XRRA1: variants seen among roughly 807,000 people sequenced by gnomAD.
XRRA1 encodes the protein X-ray radiation resistance-associated protein 1.
A neutral mutation model predicts 80.2 loss-of-function variants in XRRA1; 69 were observed. The ratio of observed to expected loss-of-function variants is 0.86; its 90% confidence interval spans 0.71 to 1.05. The LOEUF is 1.05. XRRA1 is among the 50% of genes least tolerant of loss of function. The pLI is 0.00. For missense variants in XRRA1, 967 were observed against 976.4 expected, an observed-to-expected ratio of 0.99 and a Z score of 0.13; for synonymous variants, 348 against 389.9, an observed-to-expected ratio of 0.89 and a Z score of 1.27.
chr11:74,906,895 T>G, intron 9 of XRRA1: 4 of 482,728 alleles, frequency 8.3e-6, no homozygotes, highest in Non-Finnish European at 1.4e-5. Context: ...GGGTAAAATC[T>G]CCTCCTGTTT....
rs376691314 is a variant in XRRA1 at position 74,937,014 on chromosome 11, C to T, written c.149G>A (p.Gly50Asp). The part of the protein sequence containing the change: ...QKGNLKKKPK[G>D]LVGAQAERRE... ...ACGTTCAGCTTGTGCTCCAACCAAA[C>T]CCTTGGGCTTCTTCTTGAGGTTACC... Residue 50 changes from glycine to aspartate, a missense_variant, in exon 4 of 19, where the codon GGT (glycine) becomes GAT (aspartate). Transcript: ENST00000684022. 6.8e-6 allele frequency: 11 copies of T among 1,613,916 alleles called. No homozygotes were observed. Among genetic ancestry groups the T allele is most frequent in the African/African-American group, 2.7e-5 (2 of 75,018 alleles).
At chr11:74,902,776 T>C (rs1188636238) in intron 10 of XRRA1, among the ~76,000 whole-genome samples, 1 of 151,874 alleles carries the variant, frequency 6.6e-6, no homozygotes, top group Non-Finnish European at 1.5e-5. Context: ...CTGGGAAGGA[T>C]AGTGGGGGCC....
intron 10 of XRRA1, among the ~76,000 whole-genome samples, chr11:74,901,975 G>C (rs2053640607): frequency 6.6e-6 from 1 of 152,108 alleles, no homozygotes. Context: ...TCAACAAAGA[G>C]ACAACCCACA....
chr11:74,896,341 G>T (rs1247790090), intron 10 of XRRA1, among the ~76,000 whole-genome samples: 2 of 152,326 alleles, frequency 1.3e-5, no homozygotes, highest in East Asian at 1.9e-4. Flanking sequence ...ACCACAACCT[G>T]TGGGAAGATC....
At position 74,907,313 on chromosome 11, in the gene XRRA1, G is replaced by A. The variant is rs1019953794; in HGVS notation, c.657-40C>T. ...ATCTTGGGTAATGAGCAAGGTCGAG[G>A]GACAAATTCCACCATTCCCAGGAAG... On this transcript the variant is annotated intron_variant, in intron 8 of 18. Transcript: ENST00000684022. The A allele has an allele frequency of 2.5e-6, 4 of 1,609,972 alleles. No homozygotes were observed. The African/African-American group carries it at 5.3e-5, about 22-fold the overall frequency.
At chr11:74,913,379 CTTTG>C (rs552043066) in intron 8 of XRRA1, among the ~76,000 whole-genome samples, 4 of 152,128 alleles carry the variant, frequency 2.6e-5, no homozygotes, top group Non-Finnish European at 5.9e-5. Context: ...AGAAGATATC[CTTTG>C]TTTATTTAGC....
At position 74,842,874 on chromosome 11, in the gene XRRA1, T is replaced by C. The variant is rs2036781876; in HGVS notation, c.*326A>G. 3.0e-6 allele frequency: 1 copy of C among 333,586 alleles called. No individual in the cohort carries two copies. The highest frequency in any genetic ancestry group is 4.4e-5 in the Admixed American group (1 of 22,766). The allele number at this position is 333,586 out of a possible 1,614,324, so 20.7% of individuals were successfully genotyped here. A position where few individuals can be genotyped will look rare whatever the true frequency, so the allele number is the denominator to read the frequency against. ...ACAACAGAGAACAAATGTATCCCTG[T>C]TGCATCTGAACTGGAAAACCATTTT... On this transcript the variant is annotated 3_prime_UTR_variant, in exon 19 of 19. Transcript: ENST00000684022.
At chr11:74,933,951 T>C (rs1258132862) in intron 4 of XRRA1, 79 bp from the exon 5 acceptor site, 6 of 1,274,686 alleles carry the variant, frequency 4.7e-6, no homozygotes, top group Non-Finnish European at 6.7e-6. Flanking sequence ...CCTTCTCTTG[T>C]TGGGCAATCA....
At chr11:74,929,709 C>T (rs1467065312) in intron 6 of XRRA1, among the ~76,000 whole-genome samples, 1 of 152,170 alleles carries the variant, frequency 6.6e-6, no homozygotes, top group Non-Finnish European at 1.5e-5. Context: ...AGCTTAGGTG[C>T]TCCTCTTCTC....
At chr11:74,854,266 T>C (rs2040565753) in intron 12 of XRRA1, among the ~76,000 whole-genome samples, 1 of 152,112 alleles carries the variant, frequency 6.6e-6, no homozygotes, top group South Asian at 2.1e-4. Flanking sequence ...GAGTCACTGT[T>C]CATGGGCCAG....
intron 10 of XRRA1, among the ~76,000 whole-genome samples, chr11:74,900,142 G>A (rs2053289858): frequency 6.6e-6 from 1 of 151,514 alleles, no homozygotes; most frequent in African/African-American, 2.4e-5. Context: ...TCCAGCCTGG[G>A]CAATAAAAGC....
chr11:74,898,155 T>G (rs1479101682), intron 10 of XRRA1, among the ~76,000 whole-genome samples: 3 of 152,200 alleles, frequency 2.0e-5, no homozygotes, highest in Non-Finnish European at 2.9e-5. Context: ...TAGTTTTCTT[T>G]TGACATGTTT....
intron 10 of XRRA1, among the ~76,000 whole-genome samples, chr11:74,882,099 G>GT (rs1202100286): frequency 6.6e-6 from 1 of 151,808 alleles, no homozygotes; most frequent in Non-Finnish European, 1.5e-5. Flanking sequence ...ATCCTGCAGA[G>GT]TGTTTTCCAA....
chr11:74,896,649 G>A (rs1184862650), intron 10 of XRRA1, among the ~76,000 whole-genome samples: 6 of 152,162 alleles, frequency 3.9e-5, no homozygotes, highest in South Asian at 2.1e-4. Flanking sequence ...TGTTGGCTTC[G>A]GGTCTGACAC....
intron 10 of XRRA1, among the ~76,000 whole-genome samples, chr11:74,888,919 C>G (rs943876255): frequency 6.6e-6 from 1 of 152,208 alleles, no homozygotes; most frequent in East Asian, 1.9e-4. Context: ...AAGACCAAAT[C>G]TACGTCTGAT....
At chr11:74,907,935 T>C (rs549140642) in intron 8 of XRRA1, among the ~76,000 whole-genome samples, 1 of 152,226 alleles carries the variant, frequency 6.6e-6, no homozygotes, top group South Asian at 2.1e-4. Context: ...CAGGAAGTGG[T>C]GGCATTTTAA....
chr11:74,915,009 T>C (rs1173961574), intron 8 of XRRA1, among the ~76,000 whole-genome samples: 2 of 152,212 alleles, frequency 1.3e-5, no homozygotes, highest in African/African-American at 4.8e-5. Flanking sequence ...GAAAAACCTC[T>C]AGCTTGGTTT....
At chr11:74,926,862 C>A (rs1279866052) in intron 7 of XRRA1, among the ~76,000 whole-genome samples, 1 of 152,172 alleles carries the variant, frequency 6.6e-6, no homozygotes. Context: ...CCTATTCATA[C>A]TCATCTCCGA....
rs376452507 is a variant in XRRA1, at chr11:74,848,266, C to T, written c.1577G>A (p.Arg526Gln). 2.9e-5 allele frequency: 47 copies of T among 1,613,644 alleles called. No homozygotes were observed. The highest frequency in any genetic ancestry group is 5.3e-5 in the African/African-American group (4 of 74,858). The change falls in exon 15 of 19, where the codon CGG (arginine) becomes CAG (glutamine). Residue 526 changes from arginine to glutamine, a missense_variant. Coordinates refer to ENST00000684022, the MANE Select transcript of XRRA1 (RefSeq NM_001378157.1). Reference sequence around the variant, plus strand: ...GATGGGAGGCAGTGGCACGAAGGTCCGGCAAGACGGGGAATGGCCTTCCAG... The same window carrying T: ...GATGGGAGGCAGTGGCACGAAGGTCTGGCAAGACGGGGAATGGCCTTCCAG... ...ENLEGHSPSC[R>Q]TFVPLPPICS...
Sources: gnomAD v4.1 joint callset for allele counts (sites outside exome capture counted in the v4.1 genomes callset) on GRCh38, gnomAD v4.1.1 for gene constraint, MANE v1.5 for transcripts, NCBI Gene and HGNC (gene_info 2026-07-23, HGNC 2026-07-21) for gene names.